The following KCNC3 variants were observed in gnomAD, a reference collection of about 807,000 sequenced individuals.
KCNC3 encodes the protein voltage-gated potassium channel KCNC3.
In KCNC3, 22 loss-of-function variants were observed where a neutral mutation model predicts 43.9. That is an observed-to-expected ratio of 0.50 (90% CI 0.36 to 0.72). KCNC3 has a LOEUF of 0.72. KCNC3 is among the 30% of genes least tolerant of loss of function. The pLI is 0.00. For synonymous variants in KCNC3, 492 were observed against 488.0 expected, an observed-to-expected ratio of 1.01 and a Z score of -0.11; for missense variants, 829 against 1,073.8, an observed-to-expected ratio of 0.77 and a Z score of 3.19.
At chr19:50,318,460 C>T (rs2036985529) in intron 4 of KCNC3, among the ~76,000 whole-genome samples, 1 of 152,174 alleles carries the variant, frequency 6.6e-6, no homozygotes, top group African/African-American at 2.4e-5. Flanking sequence ...CAGATGTGAG[C>T]CACCCCCGCC....
intron 1 of KCNC3, among the ~76,000 whole-genome samples, chr19:50,326,300 G>C (rs62113920): frequency 0.42 from 64,301 of 152,090 alleles, 15,916 homozygotes; most frequent in Non-Finnish European, 0.57. Flanking sequence ...CCCTTCAATG[G>C]GGTCACAGGA....
chr19:50,313,899 G>C lies in KCNC3; in HGVS notation c.*2216C>G, dbSNP rs1482787068. On this transcript the variant is annotated 3_prime_UTR_variant, in exon 5 of 5. Transcript: ENST00000477616. ...GTGGGGAGGGAGGGTGGTTCAGGGA[G>C]CCTCTGTGTGCAGAGGTTAAGTCGC... The C allele has an allele frequency of 6.6e-6, 1 of 152,106 alleles. No individual in the cohort carries two copies. The highest frequency in any genetic ancestry group is 6.6e-5 in the Admixed American group (1 of 15,246). 9.4% of individuals were successfully genotyped at this position (152,106 alleles called of 1,614,324 possible).
chr19:50,315,004 A>AGGT lies in KCNC3; in HGVS notation c.*1108_*1110dup, dbSNP rs972024396. ...ATTTCTCGTAACCTGGGGGGTGGGGAGGTGTGCAGACACAGGGGGGAAGCA... is the reference window on the plus strand; with the variant it reads ...ATTTCTCGTAACCTGGGGGGTGGGGAGGTGGTGTGCAGACACAGGGGGGAAGCA... On this transcript the variant is annotated 3_prime_UTR_variant, in exon 5 of 5. Transcript: ENST00000477616. The AGGT allele has an allele frequency of 1.5e-5, 4 of 266,700 alleles. No homozygotes were observed. The highest frequency in any genetic ancestry group is 7.2e-5 in the African/African-American group (3 of 41,822). The allele number at this position is 266,700 out of a possible 1,614,324, so 16.5% of individuals were successfully genotyped here. A position where few individuals can be genotyped will look rare whatever the true frequency, so the allele number is the denominator to read the frequency against.
rs958323371 is a variant in KCNC3, at chr19:50,320,284, C to T, written c.2236G>A (p.Asp746Asn). 7.0e-5 allele frequency: 76 copies of T among 1,082,188 alleles called. No individual in the cohort carries two copies. The highest frequency in any genetic ancestry group is 6.2e-4 in the Middle Eastern group (2 of 3,242). 67.0% of individuals were successfully genotyped at this position (1,082,188 alleles called of 1,614,324 possible). ...CAGGCCGCGGCGTTGGCGTTGAGGT[C>T]GGGCAAGAAGCTTGGGGGGCCTGGC... ...RKPGPPSFLP[D>N]LNANAAAWIS... Residue 746 changes from aspartate to asparagine, a missense_variant, in exon 4 of 5, where the codon GAC becomes AAC. Coordinates refer to ENST00000477616, the MANE Select transcript of KCNC3 (RefSeq NM_004977.3).
Position 50,320,314 on chromosome 19 carries a change from G to T in KCNC3, c.2206C>A (p.Arg736Ser). The T allele has an allele frequency of 1.8e-6, 1 of 554,370 alleles. No individual in the cohort carries two copies. Among genetic ancestry groups the T allele is most frequent in the Non-Finnish European group, 2.7e-6 (1 of 368,502 alleles). 34.3% of individuals were successfully genotyped at this position (554,370 alleles called of 1,614,324 possible). ...AAGAAGCTTGGGGGGCCTGGCTTAC[G>T]CCAGTCTTGGGGGGGCAGTGGGGGA... is the stretch of plus-strand genomic sequence containing the variant. ...GAPPLPPQDWRKPGPPSFLPD... is the reference protein window; with the variant it reads ...GAPPLPPQDWSKPGPPSFLPD... The change falls in exon 4 of 5, where the codon CGT becomes AGT. Residue 736 changes from arginine to serine, a missense_variant. Physicochemically the swap from Arg to Ser is moderately radical, Grantham distance 110 (BLOSUM62 -1). This residue lies in a region of KCNC3 where 308 missense variants were observed against 276.2 expected (regional missense o/e 1.11). Coordinates refer to ENST00000477616, the MANE Select transcript of KCNC3 (RefSeq NM_004977.3).
chr19:50,321,762 T>TC (rs1055451973), intron 2 of KCNC3, among the ~76,000 whole-genome samples: 1 of 151,236 alleles, frequency 6.6e-6, no homozygotes, highest in Non-Finnish European at 1.5e-5. Flanking sequence ...AGAGTGAGAC[T>TC]CCGTCTTGGA....
chr19:50,329,086 ACGGGGGGCGGGGCGGGAGGGG>A lies in KCNC3; in HGVS notation c.-25_-5del. 2 of 190,324 alleles carry A rather than the reference ACGGGGGGCGGGGCGGGAGGGG, an allele frequency of 1.1e-5. No individual in the cohort carries two copies. The highest frequency in any genetic ancestry group is 1.6e-4 in the East Asian group (1 of 6,356). The allele number at this position is 190,324 out of a possible 1,614,324, so 11.8% of individuals were successfully genotyped here. A position where few individuals can be genotyped will look rare whatever the true frequency, so the allele number is the denominator to read the frequency against. On this transcript the variant is annotated 5_prime_UTR_variant, in exon 1 of 5. Coordinates refer to ENST00000477616, the MANE Select transcript of KCNC3 (RefSeq NM_004977.3). Reference sequence around the variant, plus strand: ...AGACGCAGACTGAGCTCAGCATTGGACGGGGGGCGGGGCGGGAGGGGCGGGGACGCAGGGGCGGGGACACGG... The same window carrying A: ...AGACGCAGACTGAGCTCAGCATTGGACGGGGACGCAGGGGCGGGGACACGG...
intron 2 of KCNC3, 68 bp from the exon 3 acceptor site, chr19:50,320,852 C>T (rs2037024294): frequency 2.0e-6 from 3 of 1,488,474 alleles, no homozygotes; most frequent in Non-Finnish European, 2.8e-6. Context: ...CGCGGTGGGG[C>T]AAGATGTCTG....
intron 4 of KCNC3, among the ~76,000 whole-genome samples, chr19:50,318,991 CAAAAAAAAAAAA>C (rs11326559): frequency 4.2e-5 from 3 of 71,458 alleles, no homozygotes; most frequent in Admixed American, 3.6e-4. Context: ...AAGACAGTCT[CAAAAAAAAAAAA>C]AAAAAAAAAA....
Position 50,323,684 on chromosome 19 carries a change from G to A in KCNC3, c.1269C>T (p.Arg423=). 1 of 1,614,210 alleles carries A rather than the reference G, an allele frequency of 6.2e-7. No homozygotes were observed. The highest frequency in any genetic ancestry group is 1.1e-5 in the South Asian group (1 of 91,088). The change falls in exon 2 of 5, where the codon CGC becomes CGT. Residue 423 remains arginine (R), a synonymous_variant. Transcript: ENST00000477616. ...LRVVRFVRIL[R]IFKLTRHFVG... is the part of the protein sequence containing the mutation. ...CGAAGTGCCGGGTCAGCTTGAAGAT[G>A]CGCAGGATGCGGACGAAGCGGACCA...
chr19:50,320,415 T>C, intron 3 of KCNC3, 66 bp from the exon 4 acceptor site: 1 of 557,106 alleles, frequency 1.8e-6, no homozygotes, highest in Non-Finnish European at 3.2e-6. Context: ...AGGTGAAGGG[T>C]CAGTGGTGAG....
Position 50,323,259 on chromosome 19 carries a change from C to G in KCNC3, c.1694G>C (p.Arg565Pro), listed in dbSNP as rs765155263. 6.2e-7 allele frequency: 1 copy of G among 1,603,438 alleles called. No homozygotes were observed. Among genetic ancestry groups the G allele is most frequent in the South Asian group, 1.1e-5 (1 of 90,960 alleles). The change falls in exon 2 of 5, where the codon CGG becomes CCG. Residue 565 changes from arginine (R) to proline (P), a missense_variant. This residue lies in a region of KCNC3 where 308 missense variants were observed against 276.2 expected (regional missense o/e 1.11). Coordinates refer to ENST00000477616, the MANE Select transcript of KCNC3 (RefSeq NM_004977.3). ...LPKKKNKHIPRPPQPGSPNYC... is the reference protein window; with the variant it reads ...LPKKKNKHIPPPPQPGSPNYC... The stretch of plus-strand genomic sequence containing the variant: ...GTTGGGCGAGCCCGGTTGCGGGGGC[C>G]GGGGGATGTGTTTGTTCTTCTTCTT...
chr19:50,321,848 GGGGTGGTT>G (rs1256512307), intron 2 of KCNC3, among the ~76,000 whole-genome samples: 2 of 152,038 alleles, frequency 1.3e-5, no homozygotes, highest in African/African-American at 4.8e-5. Context: ...GCAGTGTTGG[GGGGTGGTT>G]GGCTGGAGCA....
chr19:50,317,304 T>G (rs2036970152), intron 4 of KCNC3, among the ~76,000 whole-genome samples: 1 of 152,178 alleles, frequency 6.6e-6, no homozygotes. Context: ...GTCTCGGCCC[T>G]TGTGCTCTGT....
intron 1 of KCNC3, among the ~76,000 whole-genome samples, chr19:50,325,768 T>TC (rs1485519089): frequency 1.3e-5 from 2 of 151,648 alleles, no homozygotes; most frequent in Admixed American, 6.6e-5. Context: ...CGCGGACAGC[T>TC]CCCCCGCCGC....
intron 4 of KCNC3, among the ~76,000 whole-genome samples, chr19:50,318,991 C>CAAAAAA (rs11326559): frequency 3.4e-4 from 24 of 71,394 alleles, no homozygotes; most frequent in African/African-American, 4.7e-4. Flanking sequence ...AAGACAGTCT[C>CAAAAAA]AAAAAAAAAA....
intron 1 of KCNC3, among the ~76,000 whole-genome samples, chr19:50,326,495 C>G (rs951835914): frequency 9.9e-5 from 15 of 152,176 alleles, no homozygotes; most frequent in Non-Finnish European, 1.9e-4. Context: ...GCTCCCTCCC[C>G]CGGCGCGAAT....
rs1408235730 is a variant in KCNC3, at chr19:50,315,705, G to T, written c.*410C>A. On this transcript the variant is annotated 3_prime_UTR_variant, in exon 5 of 5. Coordinates refer to ENST00000477616, the MANE Select transcript of KCNC3 (RefSeq NM_004977.3). ...AGATTCTAAGGACGGGGTCGGGGGT[G>T]GGGGGCGGTGAGGCGGAGGGCTGGG... 1 of 136,042 alleles carries T rather than the reference G, an allele frequency of 7.4e-6. No individual in the cohort carries two copies. Among genetic ancestry groups the T allele is most frequent in the Non-Finnish European group, 1.6e-5 (1 of 62,540 alleles). 8.4% of individuals were successfully genotyped at this position (136,042 alleles called of 1,614,324 possible). A position where few individuals can be genotyped will look rare whatever the true frequency, so the allele number is the denominator to read the frequency against.
chr19:50,331,427 G>A (rs143993829), upstream of KCNC3, among the ~76,000 whole-genome samples: 2,338 of 151,704 alleles, frequency 0.015, 60 homozygotes, highest in African/African-American at 0.054. Context: ...CCTCCTCTCT[G>A]GGTCTCTGCC....
Sources: allele counts gnomAD v4.1 joint callset (sites outside exome capture counted in the v4.1 genomes callset), GRCh38; gene constraint gnomAD v4.1.1; regional missense constraint gnomAD v4.1.1; transcripts MANE v1.5; gene names NCBI Gene and HGNC (gene_info 2026-07-23, HGNC 2026-07-21).